Variants in CFDP1 observed in about 807,000 individuals in gnomAD.
CFDP1 encodes the protein chromatin remodeling protein CFDP1.
In CFDP1, 31 loss-of-function variants were observed where a neutral mutation model predicts 40.1. The ratio of observed to expected loss-of-function variants is 0.77; its 90% CI spans 0.58 to 1.04. The LOEUF is 1.04. CFDP1 is among the 50% of genes least tolerant of loss of function. The pLI is 0.00. For synonymous variants in CFDP1, 167 were observed against 120.0 expected (o/e 1.39, Z -2.56); for missense variants, 423 against 343.4 (o/e 1.23, Z -1.83).
chr16:75,420,564 C>A (rs1045060421), intron 1 of CFDP1, among the ~76,000 whole-genome samples: 1 of 152,128 alleles, frequency 6.6e-6, no homozygotes, highest in Non-Finnish European at 1.5e-5. Flanking sequence ...AAGGATGGAA[C>A]AACTGGATAA....
At chr16:75,346,875 C>A (rs113504911) in intron 5 of CFDP1, among the ~76,000 whole-genome samples, 4 of 152,136 alleles carry the variant, frequency 2.6e-5, no homozygotes, top group Non-Finnish European at 2.9e-5. Context: ...TTGCCCACCC[C>A]ACTCCTGAAA....
At chr16:75,381,144 A>G (rs189297601) in intron 5 of CFDP1, 7 of 152,256 alleles carry the variant, frequency 4.6e-5, no homozygotes, top group African/African-American at 1.7e-4. Context: ...AAATATTCTA[A>G]TTACATAGTG....
intron 4 of CFDP1, among the ~76,000 whole-genome samples, chr16:75,410,363 G>A: frequency 6.6e-6 from 1 of 152,152 alleles, no homozygotes; most frequent in East Asian, 1.9e-4. Context: ...GGAAATTACA[G>A]GGATGTGGCT....
At chr16:75,407,990 C>A (rs1037622683) in intron 4 of CFDP1, among the ~76,000 whole-genome samples, 1 of 151,830 alleles carries the variant, frequency 6.6e-6, no homozygotes, top group Non-Finnish European at 1.5e-5. Flanking sequence ...TATAGTCCCA[C>A]GCACTCGGCA....
intron 5 of CFDP1, among the ~76,000 whole-genome samples, chr16:75,324,180 T>C (rs781767295): frequency 6.6e-6 from 1 of 151,678 alleles, no homozygotes; most frequent in Non-Finnish European, 1.5e-5. Flanking sequence ...ACACAGGAAG[T>C]GCAGTAGAGC....
intron 4 of CFDP1, among the ~76,000 whole-genome samples, chr16:75,396,903 GTTTT>G (rs568214851): frequency 6.6e-6 from 1 of 151,922 alleles, no homozygotes; most frequent in Non-Finnish European, 1.5e-5. Context: ...GTTTTTTCTT[GTTTT>G]TTGTTTGTTT....
chr16:75,375,783 T>C, intron 5 of CFDP1, among the ~76,000 whole-genome samples: 1 of 111,498 alleles, frequency 9.0e-6, no homozygotes, highest in Middle Eastern at 5.3e-3. Flanking sequence ...AGAGCGAGAC[T>C]CCATCTCAAA....
At chr16:75,301,669 A>C (rs947009575) in intron 6 of CFDP1, 2 of 149,028 alleles carry the variant, frequency 1.3e-5, no homozygotes, top group Non-Finnish European at 3.0e-5. Context: ...TAGAATTTTG[A>C]ACCTGTGGTC....
chr16:75,336,912 G>A (rs1277689631), intron 5 of CFDP1, among the ~76,000 whole-genome samples: 5 of 151,944 alleles, frequency 3.3e-5, no homozygotes, highest in African/African-American at 7.3e-5. Context: ...CCTTTCTTGC[G>A]AGCTGTTGGT....
chr16:75,416,280 A>C lies in CFDP1; in HGVS notation c.65-1585T>G, dbSNP rs983557327. 1.1e-4 allele frequency among the ~76,000 whole-genome samples: 17 copies of C among 152,162 alleles called. 1 individual carries two copies. The highest frequency in any genetic ancestry group is 2.9e-5 in the Non-Finnish European group (2 of 68,026). ...AATTCAGAGGAAACAAAATTAGTGC[A>C]GAAAGAGGGGATGGGGAGGGGGACA... On this transcript the variant is annotated intron_variant, in intron 1 of 6. Transcript: ENST00000283882.
At chr16:75,331,545 A>C (rs1326860086) in intron 5 of CFDP1, among the ~76,000 whole-genome samples, 1 of 152,198 alleles carries the variant, frequency 6.6e-6, no homozygotes, top group Non-Finnish European at 1.5e-5. Flanking sequence ...TTCCCAGTCA[A>C]TTCCCCACCC....
chr16:75,316,152 C>G (rs568795906), intron 5 of CFDP1, among the ~76,000 whole-genome samples: 1 of 152,292 alleles, frequency 6.6e-6, no homozygotes, highest in South Asian at 2.1e-4. Context: ...ACTGCACCAT[C>G]ATCAGAGGCA....
At chr16:75,315,359 A>AAAAG (rs2078317778) in intron 5 of CFDP1, among the ~76,000 whole-genome samples, 1 of 145,564 alleles carries the variant, frequency 6.9e-6, no homozygotes, top group Admixed American at 6.8e-5. Context: ...AAAAAAAAAA[A>AAAAG]AGAGAAGGGT....
chr16:75,404,141 A>G (rs1300073184), intron 4 of CFDP1, among the ~76,000 whole-genome samples: 1 of 151,756 alleles, frequency 6.6e-6, no homozygotes, highest in African/African-American at 2.4e-5. Flanking sequence ...CAAAATAATA[A>G]TAGTAATTAT....
chr16:75,348,106 G>A (rs79858858), intron 5 of CFDP1, among the ~76,000 whole-genome samples: 1,987 of 152,278 alleles, frequency 0.013, 36 homozygotes, highest in African/African-American at 0.046. Flanking sequence ...TAATGGCGCT[G>A]TACCAATGTT....
At chr16:75,322,641 T>C (rs1241116312) in intron 5 of CFDP1, among the ~76,000 whole-genome samples, 1 of 152,120 alleles carries the variant, frequency 6.6e-6, no homozygotes, top group Non-Finnish European at 1.5e-5. Flanking sequence ...CCCAAAAATC[T>C]GAAATCTAAA....
intron 5 of CFDP1, among the ~76,000 whole-genome samples, chr16:75,311,362 C>T (rs2078291580): frequency 1.3e-5 from 2 of 152,152 alleles, no homozygotes; most frequent in Admixed American, 6.5e-5. Context: ...AGGCTGGTCT[C>T]GAACTCCTGG....
intron 5 of CFDP1, among the ~76,000 whole-genome samples, chr16:75,376,089 T>C (rs2078793313): frequency 6.6e-6 from 1 of 152,074 alleles, no homozygotes; most frequent in African/African-American, 2.4e-5. Flanking sequence ...TGTGCACCTG[T>C]AGTCCCAGCT....
At chr16:75,389,137 A>C (rs2078926003) in intron 5 of CFDP1, among the ~76,000 whole-genome samples, 2 of 152,298 alleles carry the variant, frequency 1.3e-5, no homozygotes, top group South Asian at 4.1e-4. Context: ...ATAAATAGTA[A>C]ATGTTGGCTT....
Sources: allele counts gnomAD v4.1 joint callset (sites outside exome capture counted in the v4.1 genomes callset), GRCh38; gene constraint gnomAD v4.1.1; transcripts MANE v1.5; gene names NCBI Gene and HGNC (gene_info 2026-07-23, HGNC 2026-07-21).